ZNF423: variants seen among roughly 807,000 people sequenced by gnomAD.
ZNF423 encodes zinc finger protein 423.
A neutral mutation model predicts 95.8 loss-of-function variants in ZNF423; 12 were observed. The ratio of observed to expected loss-of-function variants is 0.13; its 90% CI spans 0.08 to 0.20. The LOEUF is 0.20. Among genes scored for constraint, ZNF423 ranks in the 10% least tolerant of loss-of-function variants. The pLI, the probability that ZNF423 is intolerant of heterozygous loss-of-function variation, is 1.00. For missense variants in ZNF423, 1,316 were observed against 1,737.1 expected, an observed-to-expected ratio of 0.76 and a Z score of 4.31; for synonymous variants, 749 against 711.9, an observed-to-expected ratio of 1.05 and a Z score of -0.83.
chr16:49,630,309 G>A (rs559604400), intron 4 of ZNF423, among the ~76,000 whole-genome samples: 74 of 152,262 alleles, frequency 4.9e-4, no homozygotes, highest in Middle Eastern at 3.4e-3. Context: ...GAACCACCTC[G>A]GGTGTCTCCA....
In ZNF423 at chr16:49,675,823, TATGTGTGCACCTACACACGAGC is replaced by T. The variant is rs985807903; in HGVS notation, c.302-36971_302-36950del. On this transcript the variant is annotated intron_variant, in intron 3 of 7. Coordinates refer to ENST00000563137, the MANE Select transcript of ZNF423 (RefSeq NM_001379286.1). Reference sequence around the variant, plus strand: ...ACACCTGTACACAAATGTAAAAGCATATGTGTGCACCTACACACGAGCCTGTGTGCACATGCAAGCCATATGT... The same window carrying T: ...ACACCTGTACACAAATGTAAAAGCATCTGTGTGCACATGCAAGCCATATGT... Among the ~76,000 whole-genome samples the T allele has an allele frequency of 6.6e-5, 10 of 151,946 alleles. No homozygotes were observed. The East Asian group carries it at 1.4e-3, about 21-fold the overall frequency.
intron 3 of ZNF423, among the ~76,000 whole-genome samples, chr16:49,704,282 C>T (rs1233855188): frequency 6.6e-5 from 10 of 152,142 alleles, no homozygotes; most frequent in Admixed American, 4.6e-4. Context: ...TGACACTCCA[C>T]GAAAACTCCC....
intron 5 of ZNF423, among the ~76,000 whole-genome samples, chr16:49,526,199 C>T (rs534868710): frequency 2.3e-4 from 35 of 152,308 alleles, no homozygotes; most frequent in African/African-American, 7.9e-4. Context: ...GCCCTGTCAG[C>T]CCCTGGAGGA....
In ZNF423 at chr16:49,543,284, T is replaced by A. The variant is rs77864530; in HGVS notation, c.3602-17790A>T. On this transcript the variant is annotated intron_variant, in intron 5 of 7. Coordinates refer to ENST00000563137, the MANE Select transcript of ZNF423 (RefSeq NM_001379286.1). ...CGGCAACAATGCTGGGAGCCTGGCC[T>A]GGGTAAGCCCAAGCAGCGGGCCTTC... Among the ~76,000 whole-genome samples the A allele has an allele frequency of 9.5e-4, 145 of 152,274 alleles. 8 individuals are homozygous for A. Among genetic ancestry groups the A allele is most frequent in the South Asian group, 5.2e-3 (25 of 4,826 alleles).
chr16:49,718,002 T>C (rs894967558), intron 3 of ZNF423, among the ~76,000 whole-genome samples: 2 of 152,178 alleles, frequency 1.3e-5, no homozygotes, highest in African/African-American at 4.8e-5. Flanking sequence ...AAGAATCCCC[T>C]GGCCAAAGTT....
intron 2 of ZNF423, among the ~76,000 whole-genome samples, chr16:49,775,380 T>G (rs1213061777): frequency 6.6e-6 from 1 of 152,202 alleles, no homozygotes; most frequent in East Asian, 1.9e-4. Flanking sequence ...ATCCTGACCC[T>G]TCCCTTAGGT....
At chr16:49,566,495 A>G (rs1473458973) in intron 5 of ZNF423, among the ~76,000 whole-genome samples, 1 of 152,168 alleles carries the variant, frequency 6.6e-6, no homozygotes, top group African/African-American at 2.4e-5. Flanking sequence ...AAAGAAAAGA[A>G]GGGCTGCAGG....
chr16:49,505,097 G>T (rs1166431188), intron 7 of ZNF423, among the ~76,000 whole-genome samples: 1 of 152,198 alleles, frequency 6.6e-6, no homozygotes, highest in Admixed American at 6.5e-5. Context: ...TTCTGACTCT[G>T]CAAGCCTTTA....
At chr16:49,842,233 G>A (rs1479634735) in intron 1 of ZNF423, among the ~76,000 whole-genome samples, 3 of 122,240 alleles carry the variant, frequency 2.5e-5, no homozygotes, top group African/African-American at 9.8e-5. Flanking sequence ...GGAAGAGAAG[G>A]GAAGGGAAGG....
chr16:49,685,051 G>A (rs1668988303), intron 3 of ZNF423, among the ~76,000 whole-genome samples: 1 of 152,122 alleles, frequency 6.6e-6, no homozygotes, highest in South Asian at 2.1e-4. Context: ...AGGGAGTCAG[G>A]AACACTGGAC....
chr16:49,525,605 C>T, intron 5 of ZNF423, 111 bp from the exon 6 acceptor site: 8 of 1,491,652 alleles, frequency 5.4e-6, no homozygotes, highest in Non-Finnish European at 7.3e-6. Context: ...ATCCCCAGCA[C>T]CGGGGCTGGT....
chr16:49,664,321 G>C, intron 3 of ZNF423: 1 of 983,856 alleles, frequency 1.0e-6, no homozygotes, highest in Non-Finnish European at 1.2e-6. Flanking sequence ...GCTTGGCGGA[G>C]GACCCAGCTA....
At chr16:49,513,750 AC>A (rs1968002085) in intron 7 of ZNF423, among the ~76,000 whole-genome samples, 1 of 152,122 alleles carries the variant, frequency 6.6e-6, no homozygotes, top group African/African-American at 2.4e-5. Context: ...AGACGTAGTG[AC>A]TTACAATCCA....
chr16:49,845,784 T>C (rs1264649575), intron 1 of ZNF423, among the ~76,000 whole-genome samples: 1 of 151,480 alleles, frequency 6.6e-6, no homozygotes, highest in Non-Finnish European at 1.5e-5. Flanking sequence ...GCTCAAGCAA[T>C]TCACCTGCCT....
intron 5 of ZNF423, among the ~76,000 whole-genome samples, chr16:49,534,472 C>T (rs1268012304): frequency 1.3e-5 from 2 of 152,120 alleles, no homozygotes; most frequent in African/African-American, 2.4e-5. Flanking sequence ...AGGCTGGTCT[C>T]GAACTCCTGA....
At chr16:49,575,901 G>T (rs1404009402) in intron 5 of ZNF423, among the ~76,000 whole-genome samples, 1 of 152,180 alleles carries the variant, frequency 6.6e-6, no homozygotes, top group Admixed American at 6.5e-5. Context: ...CTGCCCTCCA[G>T]GGTGGTTAGA....
At chr16:49,552,707 G>A (rs571490295) in intron 5 of ZNF423, among the ~76,000 whole-genome samples, 1 of 152,236 alleles carries the variant, frequency 6.6e-6, no homozygotes, top group South Asian at 2.1e-4. Context: ...AGGGACAAGT[G>A]CAAGCGTGTC....
intron 5 of ZNF423, among the ~76,000 whole-genome samples, chr16:49,586,534 T>G (rs1235994501): frequency 6.6e-6 from 1 of 152,202 alleles, no homozygotes; most frequent in Non-Finnish European, 1.5e-5. Flanking sequence ...AATTAAGATA[T>G]TCCTGGCCGC....
At chr16:49,679,761 C>A (rs376421494) in intron 3 of ZNF423, among the ~76,000 whole-genome samples, 1 of 152,256 alleles carries the variant, frequency 6.6e-6, no homozygotes, top group Non-Finnish European at 1.5e-5. Flanking sequence ...TGAAGCCCCA[C>A]GTTCTAGCCA....
Sources: gnomAD v4.1 joint callset for allele counts (sites outside exome capture counted in the v4.1 genomes callset) on GRCh38, gnomAD v4.1.1 for gene constraint, MANE v1.5 for transcripts, NCBI Gene and HGNC (gene_info 2026-07-23, HGNC 2026-07-21) for gene names.